Variants in WSCD2 observed in about 807,000 individuals in gnomAD.
WSCD2 encodes WSC domain sialate O sulfotransferase 2, also known as sialate:O-sulfotransferase 2.
Under a neutral mutation model 55.7 loss-of-function variants are expected in WSCD2, and 28 were observed. That is an observed-to-expected ratio of 0.50 (90% CI 0.37 to 0.69). The LOEUF is 0.69. Among genes scored for constraint, WSCD2 ranks in the 30% least tolerant of loss-of-function variants. The pLI is 0.00. For missense variants in WSCD2, 616 were observed against 762.1 expected (o/e 0.81, Z 2.26); for synonymous variants, 301 against 301.9 (o/e 1.00, Z 0.03).
chr12:108,166,790 TG>T (rs1227110918), intron 1 of WSCD2, among the ~76,000 whole-genome samples: 2 of 147,786 alleles, frequency 1.4e-5, no homozygotes, highest in Non-Finnish European at 3.0e-5. Flanking sequence ...TCTTTCTTTC[TG>T]TCTTTCTTTC....
intron 1 of WSCD2, among the ~76,000 whole-genome samples, chr12:108,182,803 T>TA (rs1881956513): frequency 6.6e-6 from 1 of 152,188 alleles, no homozygotes; most frequent in Non-Finnish European, 1.5e-5. Context: ...TTGCCTGACT[T>TA]AGCTTCCAGC....
In WSCD2 at chr12:108,187,325, C is replaced by A. The variant is rs193193620; in HGVS notation, c.-551-7957C>A. 2.7e-3 allele frequency among the ~76,000 whole-genome samples: 404 copies of A among 152,304 alleles called. 4 individuals carry two copies. Among genetic ancestry groups the A allele is most frequent in the African/African-American group, 9.3e-3 (388 of 41,564 alleles). ...CCAATCATTGCACCAACTCATTGAA[C>A]CTTTATCTTTTTCTGAAGTCTGGGC... On this transcript the variant is annotated intron_variant, in intron 1 of 8. Transcript: ENST00000547525.
intron 1 of WSCD2, among the ~76,000 whole-genome samples, chr12:108,132,750 G>T (rs553687187): frequency 6.6e-6 from 1 of 152,324 alleles, no homozygotes; most frequent in Admixed American, 6.5e-5. Flanking sequence ...TGTTTTCATA[G>T]CTGTGTGTGT....
At chr12:108,212,609 TCTCTCA>T (rs1221519736) in intron 4 of WSCD2, among the ~76,000 whole-genome samples, 1,348 of 111,062 alleles carry the variant, frequency 0.012, 19 homozygotes, top group African/African-American at 0.042. Flanking sequence ...TCTCTCTCTC[TCTCTCA>T]CACACACACA....
intron 1 of WSCD2, among the ~76,000 whole-genome samples, chr12:108,153,641 C>G (rs184533538): frequency 7.2e-4 from 110 of 152,332 alleles, no homozygotes; most frequent in African/African-American, 2.5e-3. Context: ...AAAATTAGCT[C>G]TATGGAGAGG....
chr12:108,148,785 C>G (rs1357050915), intron 1 of WSCD2, among the ~76,000 whole-genome samples: 2 of 152,164 alleles, frequency 1.3e-5, no homozygotes, highest in Non-Finnish European at 2.9e-5. Flanking sequence ...CCGGGCTAAA[C>G]ATTGTGTATG....
intron 2 of WSCD2, among the ~76,000 whole-genome samples, chr12:108,198,262 T>G (rs1364224715): frequency 6.6e-6 from 1 of 152,150 alleles, no homozygotes; most frequent in Non-Finnish European, 1.5e-5. Flanking sequence ...GTGCTGTTGC[T>G]GAATACCTAT....
Position 108,195,583 on chromosome 12 carries a change from C to T in WSCD2, c.-250C>T. 1.9e-6 allele frequency: 1 copy of T among 530,484 alleles called. No homozygotes were observed. The allele number at this position is 530,484 out of a possible 1,614,324, so 32.9% of individuals were successfully genotyped here. ...TTATGTGTGTTCTGAGCCTCAAAAC[C>T]CCCTTGTTGGCCCAAAGAAGCTCAC... On this transcript the variant is annotated 5_prime_UTR_variant, in exon 2 of 9. Coordinates refer to ENST00000547525, the MANE Select transcript of WSCD2 (RefSeq NM_014653.4).
chr12:108,206,342 G>C lies in WSCD2; in HGVS notation c.436G>C (p.Val146Leu), dbSNP rs1885365713. 6.2e-7 allele frequency: 1 copy of C among 1,614,200 alleles called. No homozygotes were observed. The highest frequency in any genetic ancestry group is 8.5e-7 in the Non-Finnish European group (1 of 1,180,034). Residue 146 changes from valine (V) to leucine (L), a missense_variant, in exon 3 of 9, where the codon GTG (valine) becomes CTG (leucine). Coordinates refer to ENST00000547525, the MANE Select transcript of WSCD2 (RefSeq NM_014653.4). The stretch of plus-strand genomic sequence containing the variant: ...CACCCAGAGTCGGGCCCTTCGAGGA[G>C]TGTCCTTTTTTGACTACAAAAAGAT... ...DDTQSRALRG[V>L]SFFDYKKMTI... is the part of the protein sequence containing the mutation.
chr12:108,178,938 CA>C (rs1881278410), intron 1 of WSCD2, among the ~76,000 whole-genome samples: 1 of 152,190 alleles, frequency 6.6e-6, no homozygotes, highest in Non-Finnish European at 1.5e-5. Flanking sequence ...TTAATTCTCA[CA>C]ACCTCTGAAG....
At chr12:108,157,033 AC>A (rs1187513835) in intron 1 of WSCD2, among the ~76,000 whole-genome samples, 1 of 151,864 alleles carries the variant, frequency 6.6e-6, no homozygotes, top group African/African-American at 2.4e-5. Context: ...CCAGGACCCC[AC>A]CCCATAAGCT....
At chr12:108,171,202 A>C (rs1880204754) in intron 1 of WSCD2, among the ~76,000 whole-genome samples, 2 of 152,236 alleles carry the variant, frequency 1.3e-5, no homozygotes, top group Admixed American at 6.5e-5. Context: ...TCTGACATGC[A>C]AACATCTGCA....
At position 108,248,870 on chromosome 12, in the gene WSCD2, C is replaced by G; in HGVS notation, c.*527C>G. ...CACCTTCTGTTCTAAAGAAAGATTGCTGGGAAGTTTCTCCGTGGCCTTAGG... is the reference window on the plus strand; with the variant it reads ...CACCTTCTGTTCTAAAGAAAGATTGGTGGGAAGTTTCTCCGTGGCCTTAGG... On this transcript the variant is annotated 3_prime_UTR_variant, in exon 9 of 9. Transcript: ENST00000547525. This position sits in a 1 kb window ranked among gnomAD's most constrained non-coding sequence, Gnocchi z 4.3. 4.0e-6 allele frequency: 4 copies of G among 988,650 alleles called. No individual in the cohort carries two copies. Among genetic ancestry groups the G allele is most frequent in the Non-Finnish European group, 4.8e-6 (4 of 831,674 alleles). 61.2% of individuals were successfully genotyped at this position (988,650 alleles called of 1,614,324 possible).
intron 1 of WSCD2, among the ~76,000 whole-genome samples, chr12:108,169,626 C>T (rs1248169104): frequency 6.6e-6 from 1 of 152,110 alleles, no homozygotes; most frequent in East Asian, 1.9e-4. Flanking sequence ...TTAGGAAGAC[C>T]CCTCTGACAT....
At chr12:108,246,864 C>T (rs551584767) in intron 8 of WSCD2, among the ~76,000 whole-genome samples, 8 of 152,066 alleles carry the variant, frequency 5.3e-5, no homozygotes, top group African/African-American at 9.6e-5. Flanking sequence ...CTGCAGGGGA[C>T]GGAGAGAGGA....
At chr12:108,232,978 CCTT>C in intron 7 of WSCD2, 83 bp downstream of exon 7, 3 of 1,530,358 alleles carry the variant, frequency 2.0e-6, no homozygotes, top group Admixed American at 3.6e-5. Context: ...GAATACTCCT[CCTT>C]GAGTATCTAC....
chr12:108,191,854 C>T (rs1883207187), intron 1 of WSCD2, among the ~76,000 whole-genome samples: 1 of 152,170 alleles, frequency 6.6e-6, no homozygotes, highest in Non-Finnish European at 1.5e-5. Context: ...GACACAGCCC[C>T]TCTCCACACG....
intron 8 of WSCD2, among the ~76,000 whole-genome samples, chr12:108,241,686 A>AG (rs1889759094): frequency 1.3e-5 from 2 of 152,238 alleles, no homozygotes. Flanking sequence ...TTTTGGTGAG[A>AG]GGATAGATCT....
In WSCD2 at chr12:108,248,216, G is replaced by A. The variant is rs745340778; in HGVS notation, c.1571G>A (p.Arg524Gln). ...KDGNFKRSGL[R>Q]KLEYDPYTAD... ...GGCAACTTCAAGCGCTCAGGGCTCC[G>A]GAAGCTCGAGTATGACCCCTATACT... Residue 524 changes from arginine (R) to glutamine (Q), a missense_variant, in exon 9 of 9, where the codon CGG (arginine) becomes CAG (glutamine). Coordinates refer to ENST00000547525, the MANE Select transcript of WSCD2 (RefSeq NM_014653.4). The surrounding 1 kb of genome is among the most constrained non-coding windows in gnomAD (Gnocchi z 4.3). The A allele has an allele frequency of 2.7e-5, 43 of 1,614,066 alleles. No individual in the cohort carries two copies. The highest frequency in any genetic ancestry group is 3.3e-5 in the South Asian group (3 of 91,086).
Sources: gnomAD v4.1 joint callset for allele counts (sites outside exome capture counted in the v4.1 genomes callset) on GRCh38, gnomAD v4.1.1 for gene constraint, Gnocchi (gnomAD v3.1) non-coding constraint, MANE v1.5 for transcripts, NCBI Gene and HGNC (gene_info 2026-07-23, HGNC 2026-07-21) for gene names.